The following TGFBR2 variants were observed in gnomAD, a reference collection of about 807,000 sequenced individuals.
TGFBR2 encodes TGF-beta receptor type-2.
In TGFBR2, 18 loss-of-function variants were observed where a neutral mutation model predicts 49.0. That is an observed-to-expected ratio of 0.37 (90% CI 0.25 to 0.54). The LOEUF (loss-of-function observed/expected upper bound fraction) is 0.54, where lower values mean the gene tolerates loss of function less well. Ranked by LOEUF, TGFBR2 falls within the 20% of genes least tolerant of loss-of-function variation. The pLI is 0.85. For missense variants in TGFBR2, 525 were observed against 722.6 expected (o/e 0.73, Z 3.13); for synonymous variants, 282 against 275.9 (o/e 1.02, Z -0.22).
intron 1 of TGFBR2, among the ~76,000 whole-genome samples, chr3:30,620,162 A>G (rs575927206): frequency 9.7e-4 from 147 of 152,250 alleles, no homozygotes; most frequent in African/African-American, 1.4e-3. Flanking sequence ...ACTCCAGCCT[A>G]GGCGACAGAG....
chr3:30,617,222 C>T (rs557563361), intron 1 of TGFBR2, among the ~76,000 whole-genome samples: 2 of 152,234 alleles, frequency 1.3e-5, no homozygotes, highest in African/African-American at 2.4e-5. Flanking sequence ...CTGTTTTAGG[C>T]AGGGGAGTAG....
intron 1 of TGFBR2, among the ~76,000 whole-genome samples, chr3:30,616,709 C>CA (rs1698139636): frequency 6.6e-6 from 1 of 152,054 alleles, no homozygotes; most frequent in Non-Finnish European, 1.5e-5. Flanking sequence ...AGAAAACTAA[C>CA]AAAAGTCATG....
chr3:30,683,894 A>G (rs982244052), intron 5 of TGFBR2, among the ~76,000 whole-genome samples: 51 of 152,150 alleles, frequency 3.4e-4, no homozygotes, highest in Admixed American at 3.2e-3. Context: ...AGGAACGACC[A>G]TTGGTACCCA....
chr3:30,657,396 A>G (rs1229836395), intron 3 of TGFBR2, among the ~76,000 whole-genome samples: 1 of 152,152 alleles, frequency 6.6e-6, no homozygotes, highest in Non-Finnish European at 1.5e-5. Context: ...ATGGCCAGTA[A>G]GATGCTCATC....
rs748388518 is a variant in TGFBR2 at position 30,691,414 on chromosome 3, C to G, written c.1525-6C>G. The G allele has an allele frequency of 2.2e-5, 36 of 1,613,826 alleles. No individual in the cohort carries two copies. Among genetic ancestry groups the G allele is most frequent in the Non-Finnish European group, 3.1e-5 (36 of 1,179,890 alleles). ...TGGTGCCCTTTGGATCTCTTTCCCG[C>G]TACAGGGCATCCAGATGGTGTGTGA... On this transcript the variant is annotated splice_polypyrimidine_tract_variant and splice_region_variant and intron_variant, in intron 6 of 6. Transcript: ENST00000295754.
chr3:30,668,013 C>T (rs1699272801), intron 3 of TGFBR2, among the ~76,000 whole-genome samples: 1 of 151,996 alleles, frequency 6.6e-6, no homozygotes. Context: ...GTTGCATGAA[C>T]CTCTTAGTTT....
intron 1 of TGFBR2, among the ~76,000 whole-genome samples, chr3:30,642,506 C>A (rs532949481): frequency 1.3e-5 from 2 of 152,164 alleles, no homozygotes; most frequent in Non-Finnish European, 2.9e-5. Context: ...TAAATTTCCT[C>A]AGGTGATGGA....
intron 5 of TGFBR2, among the ~76,000 whole-genome samples, chr3:30,679,302 G>A (rs1483713002): frequency 1.3e-5 from 2 of 152,182 alleles, no homozygotes; most frequent in East Asian, 3.9e-4. Flanking sequence ...GGAAGAGGAA[G>A]ACTCTGGGGC....
At chr3:30,656,180 T>G (rs1575149629) in intron 3 of TGFBR2, among the ~76,000 whole-genome samples, 1 of 152,298 alleles carries the variant, frequency 6.6e-6, no homozygotes, top group East Asian at 1.9e-4. Flanking sequence ...CTAAATATAC[T>G]TTACTCAGTC....
At chr3:30,666,879 C>T (rs1384137228) in intron 3 of TGFBR2, among the ~76,000 whole-genome samples, 1 of 151,764 alleles carries the variant, frequency 6.6e-6, no homozygotes, top group Admixed American at 6.6e-5. Context: ...CTCCTAGGCT[C>T]AAGTGATTCT....
intron 1 of TGFBR2, among the ~76,000 whole-genome samples, chr3:30,635,892 AAC>A (rs1035192988): frequency 1.3e-5 from 2 of 152,084 alleles, no homozygotes; most frequent in Non-Finnish European, 2.9e-5. Context: ...TAAATGCATA[AAC>A]ACACACACTC....
intron 1 of TGFBR2, among the ~76,000 whole-genome samples, chr3:30,631,623 T>C (rs1407066794): frequency 4.8e-5 from 1 of 20,952 alleles, no homozygotes; most frequent in African/African-American, 5.0e-4. Context: ...ACTTCTTTCT[T>C]TTTTTTTTTT....
At chr3:30,661,577 G>A (rs1203395814) in intron 3 of TGFBR2, 1 of 516,182 alleles carries the variant, frequency 1.9e-6, no homozygotes, top group Admixed American at 2.0e-5. Context: ...CGATTGCAAA[G>A]GAGCACTTGT....
At chr3:30,671,302 AG>A (rs1699332169) in intron 3 of TGFBR2, among the ~76,000 whole-genome samples, 1 of 152,156 alleles carries the variant, frequency 6.6e-6, no homozygotes, top group African/African-American at 2.4e-5. Context: ...TAGTTCATTT[AG>A]TTTAAGTTGT....
chr3:30,615,138 A>G (rs766059179), intron 1 of TGFBR2, among the ~76,000 whole-genome samples: 1 of 152,200 alleles, frequency 6.6e-6, no homozygotes, highest in Non-Finnish European at 1.5e-5. Context: ...AAGTTTAGGT[A>G]TTCTGAGTAA....
intron 1 of TGFBR2, among the ~76,000 whole-genome samples, chr3:30,627,770 C>A (rs1201661911): frequency 6.6e-6 from 1 of 151,834 alleles, no homozygotes; most frequent in Non-Finnish European, 1.5e-5. Context: ...GTAGCAGGTG[C>A]AAATAAGGAA....
Position 30,644,873 on chromosome 3 carries a change from C to A in TGFBR2, c.221C>A (p.Thr74Asn). 1 of 1,614,176 alleles carries A rather than the reference C, an allele frequency of 6.2e-7. No homozygotes were observed. Among genetic ancestry groups the A allele is most frequent in the Non-Finnish European group, 8.5e-7 (1 of 1,180,002 alleles). ...TCCTGCATGAGCAACTGCAGCATCACCTCCATCTGTGAGAAGCCACAGGAA... is the reference window on the plus strand; with the variant it reads ...TCCTGCATGAGCAACTGCAGCATCAACTCCATCTGTGAGAAGCCACAGGAA... Reference protein sequence around the residue: ...QKSCMSNCSITSICEKPQEVC... With the variant: ...QKSCMSNCSINSICEKPQEVC... The change falls in exon 2 of 7, where the codon ACC (threonine) becomes AAC (asparagine). Residue 74 changes from threonine to asparagine, a missense_variant. Physicochemically the swap from Thr to Asn is moderately conservative, Grantham distance 65. Around this residue, in one of 3 missense-constraint regions of TGFBR2, gnomAD observed 376 missense variants for 478.2 expected, o/e 0.79. Transcript: ENST00000295754.
intron 1 of TGFBR2, among the ~76,000 whole-genome samples, chr3:30,637,868 G>A (rs1449054787): frequency 1.3e-5 from 2 of 152,124 alleles, no homozygotes; most frequent in African/African-American, 2.4e-5. Flanking sequence ...GAAAGTGCGA[G>A]GCAAAAGGCT....
At chr3:30,651,277 A>T (rs1174399436) in intron 3 of TGFBR2, among the ~76,000 whole-genome samples, 1 of 152,164 alleles carries the variant, frequency 6.6e-6, no homozygotes, top group East Asian at 1.9e-4. Context: ...CTCACTCCCA[A>T]TGCAACAGAT....
Sources: allele counts gnomAD v4.1 joint callset (sites outside exome capture counted in the v4.1 genomes callset), GRCh38; gene constraint gnomAD v4.1.1; regional missense constraint gnomAD v4.1.1; transcripts MANE v1.5; gene names NCBI Gene and HGNC (gene_info 2026-07-23, HGNC 2026-07-21).